The following RIMS1 variants were observed in gnomAD, a reference collection of about 807,000 sequenced individuals.
RIMS1 encodes regulating synaptic membrane exocytosis 1.
In RIMS1, 83 loss-of-function variants were observed where a neutral mutation model predicts 214.1. That is an observed-to-expected ratio of 0.39 (90% CI 0.32 to 0.47). RIMS1 has a LOEUF of 0.47. Ranked by LOEUF, RIMS1 falls within the 20% of genes least tolerant of loss-of-function variation. The pLI, the probability that RIMS1 is intolerant of heterozygous loss-of-function variation, is 0.99. For synonymous variants in RIMS1, 793 were observed against 786.8 expected (o/e 1.01, Z -0.13); for missense variants, 2,050 against 2,161.8 (o/e 0.95, Z 1.03).
In RIMS1 at chr6:72,214,395, T is replaced by C. The variant is rs12214560; in HGVS notation, c.1679-19378T>C. Among the ~76,000 whole-genome samples the C allele has an allele frequency of 2.0e-3, 308 of 152,238 alleles. 1 individual carries two copies. The highest frequency in any genetic ancestry group is 3.8e-3 in the Non-Finnish European group (257 of 68,008). ...CTTGATAAACCCTGTTTGGATTTAT[T>C]AAGTATTTTCTGTTAGAAATGCAAT... On this transcript the variant is annotated intron_variant, in intron 6 of 33. Transcript: ENST00000521978.
chr6:72,182,189 A>G, intron 5 of RIMS1, 95 bp from the exon 6 acceptor site: 1 of 1,324,478 alleles, frequency 7.6e-7, no homozygotes. Context: ...AATTATTGTA[A>G]CTGAAATGAT....
chr6:71,965,121 A>G (rs1794085302), intron 1 of RIMS1, among the ~76,000 whole-genome samples: 2 of 152,210 alleles, frequency 1.3e-5, no homozygotes, highest in South Asian at 4.1e-4. Flanking sequence ...ATTTGGAGAT[A>G]ATTGTCTCCA....
intron 4 of RIMS1, among the ~76,000 whole-genome samples, chr6:72,177,154 A>C (rs2047826272): frequency 6.6e-6 from 1 of 152,144 alleles, no homozygotes; most frequent in Non-Finnish European, 1.5e-5. Flanking sequence ...AAACTTTGTA[A>C]TTGTAAATTT....
intron 2 of RIMS1, among the ~76,000 whole-genome samples, chr6:72,021,138 G>T (rs571579232): frequency 6.6e-6 from 1 of 152,284 alleles, no homozygotes; most frequent in South Asian, 2.1e-4. Context: ...ATCATAAAGA[G>T]TTGGCTCACT....
intron 18 of RIMS1, among the ~76,000 whole-genome samples, chr6:72,260,118 A>G (rs1349690810): frequency 6.6e-6 from 1 of 152,130 alleles, no homozygotes; most frequent in Non-Finnish European, 1.5e-5. Context: ...GCCACCATGA[A>G]TTTAGGTGAG....
intron 2 of RIMS1, among the ~76,000 whole-genome samples, chr6:72,049,514 G>A (rs1824022782): frequency 6.6e-6 from 1 of 152,184 alleles, no homozygotes; most frequent in African/African-American, 2.4e-5. Flanking sequence ...GACAAAGTGG[G>A]AGGATTAAGT....
chr6:72,319,650 C>T (rs999750206), intron 28 of RIMS1, among the ~76,000 whole-genome samples: 2 of 151,988 alleles, frequency 1.3e-5, no homozygotes, highest in African/African-American at 4.8e-5. Flanking sequence ...TGTACAACTT[C>T]TTTAGACCTT....
intron 18 of RIMS1, 119 bp from the exon 19 acceptor site, chr6:72,260,586 A>G: frequency 7.5e-7 from 1 of 1,340,974 alleles, no homozygotes; most frequent in South Asian, 1.3e-5. Context: ...CTCTCAAGCA[A>G]ATATGCTAGT....
At chr6:72,126,968 C>T (rs2039645305) in intron 4 of RIMS1, among the ~76,000 whole-genome samples, 1 of 152,124 alleles carries the variant, frequency 6.6e-6, no homozygotes, top group South Asian at 2.1e-4. Flanking sequence ...GAAAAAGATA[C>T]ACGCACATGC....
intron 1 of RIMS1, among the ~76,000 whole-genome samples, chr6:71,906,890 A>T (rs1582281919): frequency 6.6e-6 from 1 of 152,194 alleles, no homozygotes; most frequent in South Asian, 2.1e-4. Flanking sequence ...ATTTTATAAC[A>T]ATGTGAATTC....
intron 29 of RIMS1, among the ~76,000 whole-genome samples, chr6:72,352,599 A>C (rs959615684): frequency 1.3e-5 from 2 of 152,208 alleles, no homozygotes; most frequent in African/African-American, 4.8e-5. Flanking sequence ...AATTTGAGGC[A>C]GATGCTCATG....
intron 29 of RIMS1, among the ~76,000 whole-genome samples, chr6:72,358,208 G>A (rs983269573): frequency 6.6e-6 from 1 of 152,126 alleles, no homozygotes; most frequent in African/African-American, 2.4e-5. Flanking sequence ...CATAGGTACT[G>A]TAAAATATAA....
At chr6:72,006,350 G>A (rs892093703) in intron 2 of RIMS1, among the ~76,000 whole-genome samples, 9 of 152,164 alleles carry the variant, frequency 5.9e-5, no homozygotes, top group Admixed American at 1.3e-4. Flanking sequence ...CTTGGAGGGC[G>A]GTTCCAAGAT....
intron 2 of RIMS1, among the ~76,000 whole-genome samples, chr6:72,084,218 G>T (rs1834105046): frequency 6.6e-6 from 1 of 152,148 alleles, no homozygotes; most frequent in East Asian, 1.9e-4. Flanking sequence ...CATGGAGTAT[G>T]ATTAGACCTA....
chr6:72,085,679 C>A (rs1449035714), intron 2 of RIMS1, among the ~76,000 whole-genome samples: 1 of 152,110 alleles, frequency 6.6e-6, no homozygotes. Context: ...TAAAAAAGCT[C>A]CTTCCTGGAA....
At chr6:72,293,846 A>G (rs1219525005) in intron 26 of RIMS1, among the ~76,000 whole-genome samples, 1 of 151,854 alleles carries the variant, frequency 6.6e-6, no homozygotes. Flanking sequence ...AGAAATCATC[A>G]ATTTGTAAGG....
At chr6:72,002,126 T>G (rs993637160) in intron 2 of RIMS1, among the ~76,000 whole-genome samples, 1 of 152,164 alleles carries the variant, frequency 6.6e-6, no homozygotes, top group African/African-American at 2.4e-5. Context: ...TCCGTCTTGC[T>G]GCTAAATGCA....
intron 26 of RIMS1, among the ~76,000 whole-genome samples, chr6:72,301,635 G>A (rs1432341863): frequency 6.6e-6 from 1 of 151,288 alleles, no homozygotes; most frequent in East Asian, 1.9e-4. Flanking sequence ...AATACGAAAG[G>A]GATAGATTTA....
chr6:72,283,939 A>T, intron 23 of RIMS1, 108 bp from the exon 24 acceptor site: 3 of 772,910 alleles, frequency 3.9e-6, no homozygotes, highest in Non-Finnish European at 6.6e-6. Flanking sequence ...TGACAAAATC[A>T]TTTAGGTAAT....
Sources: allele counts gnomAD v4.1 joint callset (sites outside exome capture counted in the v4.1 genomes callset), GRCh38; gene constraint gnomAD v4.1.1; transcripts MANE v1.5; gene names NCBI Gene and HGNC (gene_info 2026-07-23, HGNC 2026-07-21).